The following BMPR2 variants were observed in gnomAD, a reference collection of about 807,000 sequenced individuals.
BMPR2 encodes bone morphogenetic protein receptor type-2.
A neutral mutation model predicts 100.8 loss-of-function variants in BMPR2; 29 were observed. The ratio of observed to expected loss-of-function variants is 0.29; its 90% CI spans 0.21 to 0.39. BMPR2 has a LOEUF of 0.39. BMPR2 is among the 10% of genes least tolerant of loss of function. The probability of loss-of-function intolerance (pLI) is 1.00; values close to 1 mark genes in which losing one functional copy is unlikely to be tolerated. For missense variants in BMPR2, 1,011 were observed against 1,274.5 expected, an observed-to-expected ratio of 0.79 and a Z score of 3.15; for synonymous variants, 382 against 442.3, an observed-to-expected ratio of 0.86 and a Z score of 1.71.
chr2:202,530,769 TA>T (rs1273938544), intron 7 of BMPR2, 24 bp from the exon 8 acceptor site: 1 of 1,578,496 alleles, frequency 6.3e-7, no homozygotes, highest in African/African-American at 1.4e-5. Flanking sequence ...TATTCATTGA[TA>T]AATATTTGAA....
rs533361767 is a variant in BMPR2, at chr2:202,402,537, A to G, written c.76+24987A>G. ...GTCTCAAAAAACAAAAAACAAACAAACAAAAGAAAGAATTAATTTAAGCCT... is the reference window on the plus strand; with the variant it reads ...GTCTCAAAAAACAAAAAACAAACAAGCAAAAGAAAGAATTAATTTAAGCCT... On this transcript the variant is annotated intron_variant, in intron 1 of 12. Transcript: ENST00000374580. 1.3e-5 allele frequency among the ~76,000 whole-genome samples: 2 copies of G among 152,148 alleles called. 1 individual carries two copies. Among genetic ancestry groups the G allele is most frequent in the African/African-American group, 4.8e-5 (2 of 41,522 alleles).
chr2:202,498,385 G>C (rs1387121945), intron 3 of BMPR2, among the ~76,000 whole-genome samples: 2 of 152,160 alleles, frequency 1.3e-5, no homozygotes, highest in Non-Finnish European at 2.9e-5. Context: ...CAACTATTCC[G>C]ATCAGCAGGG....
At chr2:202,428,718 CAT>C (rs1469914594) in intron 1 of BMPR2, among the ~76,000 whole-genome samples, 1 of 152,126 alleles carries the variant, frequency 6.6e-6, no homozygotes, top group Non-Finnish European at 1.5e-5. Context: ...TTCTCTTACA[CAT>C]GTGTACACAC....
chr2:202,413,653 ATG>A lies in BMPR2; in HGVS notation c.76+36105_76+36106del, dbSNP rs201539920. ...ACATATTGTTCATTATATATTAAAA[ATG>A]TTATTAATTATATTACTTTTTTTTT... On this transcript the variant is annotated intron_variant, in intron 1 of 12. Transcript: ENST00000374580. 9.3e-3 allele frequency among the ~76,000 whole-genome samples: 1,408 copies of A among 151,980 alleles called. 12 individuals carry two copies. Among genetic ancestry groups the A allele is most frequent in the Middle Eastern group, 0.014 (4 of 294 alleles).
chr2:202,413,596 T>A (rs1691059270), intron 1 of BMPR2, among the ~76,000 whole-genome samples: 1 of 152,170 alleles, frequency 6.6e-6, no homozygotes, highest in Admixed American at 6.5e-5. Flanking sequence ...ATCATTTGTA[T>A]GTGTGTGATA....
chr2:202,553,918 C>T (rs1437842306), intron 11 of BMPR2, among the ~76,000 whole-genome samples: 1 of 152,146 alleles, frequency 6.6e-6, no homozygotes, highest in East Asian at 1.9e-4. Context: ...AAACTCCCGA[C>T]CCCTGGTGAT....
At chr2:202,456,441 C>A (rs1692108034) in intron 1 of BMPR2, among the ~76,000 whole-genome samples, 1 of 151,118 alleles carries the variant, frequency 6.6e-6, no homozygotes, top group Non-Finnish European at 1.5e-5. Context: ...ACCTTCCAAA[C>A]TGCTGGGATT....
At position 202,519,040 on chromosome 2, in the gene BMPR2, G is replaced by A; in HGVS notation, c.840G>A (p.Glu280=). The A allele has an allele frequency of 6.2e-7, 1 of 1,613,744 alleles. No homozygotes were observed. The highest frequency in any genetic ancestry group is 8.5e-7 in the Non-Finnish European group (1 of 1,179,744). ...GCATGGAATATTTGCTTGTGATGGAGTACTATCCCAATGTAAGTTCTTCAT... is the reference window on the plus strand; with the variant it reads ...GCATGGAATATTTGCTTGTGATGGAATACTATCCCAATGTAAGTTCTTCAT... ...DGRMEYLLVM[E]YYPNGSLCKY... Residue 280 remains glutamate (E), a synonymous_variant, in exon 6 of 13, where the codon GAG becomes GAA. Transcript: ENST00000374580.
At chr2:202,443,185 G>C (rs1037059690) in intron 1 of BMPR2, among the ~76,000 whole-genome samples, 1 of 150,704 alleles carries the variant, frequency 6.6e-6, no homozygotes, top group Non-Finnish European at 1.5e-5. Context: ...ATCTTGGACT[G>C]CTCAGATAGG....
At chr2:202,549,191 CTA>C (rs1402428959) in intron 10 of BMPR2, among the ~76,000 whole-genome samples, 6 of 151,912 alleles carry the variant, frequency 3.9e-5, no homozygotes, top group African/African-American at 1.4e-4. Context: ...TTATAATTAA[CTA>C]TTAGTTATAA....
chr2:202,456,939 C>T (rs1401621594), intron 1 of BMPR2, among the ~76,000 whole-genome samples: 3 of 152,116 alleles, frequency 2.0e-5, no homozygotes, highest in Admixed American at 2.0e-4. Flanking sequence ...AGAAGACACA[C>T]AATAGTGTGA....
In BMPR2 at chr2:202,378,294, C is replaced by A. The variant is rs115948931; in HGVS notation, c.76+744C>A. On this transcript the variant is annotated intron_variant, in intron 1 of 12. Coordinates refer to ENST00000374580, the MANE Select transcript of BMPR2 (RefSeq NM_001204.7). Reference sequence around the variant, plus strand: ...TCCTTTGGATATTTTCATTTCAGTTCTCAGAAACCTTAGGAAAAAGACCTT... The same window carrying A: ...TCCTTTGGATATTTTCATTTCAGTTATCAGAAACCTTAGGAAAAAGACCTT... Among the ~76,000 whole-genome samples the A allele has an allele frequency of 3.6e-3, 542 of 152,230 alleles. 4 individuals carry two copies. The highest frequency in any genetic ancestry group is 0.012 in the African/African-American group (511 of 41,542).
At chr2:202,409,315 C>T (rs1184072056) in intron 1 of BMPR2, among the ~76,000 whole-genome samples, 1 of 152,138 alleles carries the variant, frequency 6.6e-6, no homozygotes, top group Non-Finnish European at 1.5e-5. Flanking sequence ...CCACTTCATT[C>T]CAGCCTTCAT....
chr2:202,410,963 T>C (rs1691002560), intron 1 of BMPR2, among the ~76,000 whole-genome samples: 3 of 152,148 alleles, frequency 2.0e-5, no homozygotes, highest in African/African-American at 4.8e-5. Context: ...GAGAGGCAGC[T>C]CTTTTTTTGT....
At chr2:202,457,158 T>C (rs891527442) in intron 1 of BMPR2, among the ~76,000 whole-genome samples, 10 of 152,100 alleles carry the variant, frequency 6.6e-5, no homozygotes, top group Non-Finnish European at 1.2e-4. Flanking sequence ...ATCATCTGTC[T>C]CTCTATTGAG....
chr2:202,451,255 A>G (rs1194541367), intron 1 of BMPR2, among the ~76,000 whole-genome samples: 1 of 152,246 alleles, frequency 6.6e-6, no homozygotes, highest in Non-Finnish European at 1.5e-5. Context: ...GGTTATGCCT[A>G]GGATTCTGTG....
intron 7 of BMPR2, among the ~76,000 whole-genome samples, chr2:202,530,543 C>T (rs1052222952): frequency 2.6e-5 from 4 of 151,744 alleles, no homozygotes; most frequent in South Asian, 4.2e-4. Flanking sequence ...AAAACAAGTG[C>T]GTGTTAGAAT....
chr2:202,386,179 T>C (rs1260939047), intron 1 of BMPR2, among the ~76,000 whole-genome samples: 1 of 152,222 alleles, frequency 6.6e-6, no homozygotes, highest in Non-Finnish European at 1.5e-5. Context: ...TCCAGTTTTA[T>C]GGCTTTAAAT....
intron 1 of BMPR2, among the ~76,000 whole-genome samples, chr2:202,425,120 G>A (rs10197863): frequency 5.0e-4 from 76 of 151,942 alleles, no homozygotes; most frequent in African/African-American, 1.7e-3. Context: ...CACCATATTG[G>A]TCAGGCTAGT....
Sources: gnomAD v4.1 joint callset for allele counts (sites outside exome capture counted in the v4.1 genomes callset) on GRCh38, gnomAD v4.1.1 for gene constraint, MANE v1.5 for transcripts, NCBI Gene and HGNC (gene_info 2026-07-23, HGNC 2026-07-21) for gene names.